Variants in UHRF2 observed in about 807,000 individuals in gnomAD.
UHRF2 encodes the protein ubiquitin like with PHD and ring finger domains 2.
In UHRF2, 23 loss-of-function variants were observed where a neutral mutation model predicts 96.8. The ratio of observed to expected loss-of-function variants is 0.24; its 90% CI spans 0.17 to 0.34. The LOEUF (loss-of-function observed/expected upper bound fraction) is 0.34. Ranked by LOEUF, UHRF2 falls within the 10% of genes least tolerant of loss-of-function variation. The pLI, the probability that UHRF2 is intolerant of heterozygous loss-of-function variation, is 1.00. For missense variants in UHRF2, 685 were observed against 981.5 expected (o/e 0.70, Z 4.04); for synonymous variants, 385 against 332.6 (o/e 1.16, Z -1.72).
intron 1 of UHRF2, among the ~76,000 whole-genome samples, chr9:6,417,106 C>T (rs1172396025): frequency 1.3e-5 from 2 of 152,048 alleles, no homozygotes; most frequent in African/African-American, 4.8e-5. Flanking sequence ...GTTGTTTTGC[C>T]CTTCACTGGC....
chr9:6,424,795 A>T (rs10975586), intron 2 of UHRF2, among the ~76,000 whole-genome samples: 4 of 106,012 alleles, frequency 3.8e-5, no homozygotes, highest in Middle Eastern at 5.3e-3. Flanking sequence ...TTTTTTTTTC[A>T]ATTACCGTGA....
intron 5 of UHRF2, among the ~76,000 whole-genome samples, chr9:6,475,984 G>C (rs1265904951): frequency 1.3e-5 from 2 of 151,916 alleles, no homozygotes; most frequent in African/African-American, 4.8e-5. Context: ...TATTCCTTCT[G>C]TCTAACTGTA....
At chr9:6,463,204 C>G (rs577973569) in intron 4 of UHRF2, among the ~76,000 whole-genome samples, 1 of 152,158 alleles carries the variant, frequency 6.6e-6, no homozygotes, top group African/African-American at 2.4e-5. Flanking sequence ...TCACTTGAAC[C>G]TGGGAGGCGC....
chr9:6,452,053 A>C (rs1259024821), intron 3 of UHRF2, among the ~76,000 whole-genome samples: 1 of 152,178 alleles, frequency 6.6e-6, no homozygotes, highest in African/African-American at 2.4e-5. Context: ...CACTAGATAG[A>C]AAATAGAAAC....
chr9:6,431,079 C>G (rs2130759089), intron 2 of UHRF2, among the ~76,000 whole-genome samples: 1 of 152,292 alleles, frequency 6.6e-6, no homozygotes, highest in Non-Finnish European at 1.5e-5. Context: ...ATTAATCATA[C>G]AGGCCTAAGT....
chr9:6,437,285 T>C (rs1820908299), intron 3 of UHRF2, among the ~76,000 whole-genome samples: 1 of 152,236 alleles, frequency 6.6e-6, no homozygotes, highest in African/African-American at 2.4e-5. Context: ...CAGTCTGGAG[T>C]GCAGTGGCAC....
intron 3 of UHRF2, among the ~76,000 whole-genome samples, chr9:6,455,176 A>C (rs562907528): frequency 2.0e-5 from 3 of 152,100 alleles, no homozygotes; most frequent in African/African-American, 7.2e-5. Flanking sequence ...TCTAGGGTGC[A>C]TGTGCACAAC....
intron 9 of UHRF2, among the ~76,000 whole-genome samples, chr9:6,487,539 G>A (rs1824378034): frequency 6.6e-6 from 1 of 152,162 alleles, no homozygotes; most frequent in Admixed American, 6.5e-5. Flanking sequence ...GCTAATTCTT[G>A]TATTTTTAGT....
chr9:6,483,919 C>G (rs1411834383), intron 8 of UHRF2, among the ~76,000 whole-genome samples: 1 of 152,148 alleles, frequency 6.6e-6, no homozygotes, highest in African/African-American at 2.4e-5. Flanking sequence ...GAACTCCCAA[C>G]CTCGGGTGAT....
intron 3 of UHRF2, among the ~76,000 whole-genome samples, chr9:6,455,748 G>T (rs979904053): frequency 1.3e-4 from 20 of 151,786 alleles, no homozygotes; most frequent in African/African-American, 4.8e-4. Flanking sequence ...ACTTTGGGAG[G>T]CCAAGATGGG....
chr9:6,432,105 C>A (rs1040677442), intron 2 of UHRF2, among the ~76,000 whole-genome samples: 1 of 152,148 alleles, frequency 6.6e-6, no homozygotes, highest in Admixed American at 6.6e-5. Context: ...TTATTTAATA[C>A]ATGAATTAAT....
intron 1 of UHRF2, among the ~76,000 whole-genome samples, 161 bp from the exon 2 acceptor site, chr9:6,420,751 G>A (rs910137078): frequency 1.3e-5 from 2 of 151,484 alleles, no homozygotes; most frequent in Non-Finnish European, 2.9e-5. Context: ...GGGGTCCAGA[G>A]AAGACACTGA....
rs376982666 is a variant in UHRF2 at position 6,493,846 on chromosome 9, A to C, written c.1518A>C (p.Thr506=). 2.5e-6 allele frequency: 4 copies of C among 1,613,886 alleles called. No homozygotes were observed. The highest frequency in any genetic ancestry group is 3.4e-6 in the Non-Finnish European group (4 of 1,179,948). ...ADEVDRGDEF[T]YTGSGGKNLA... is the part of the protein sequence containing the mutation. ...GACAGGACCGAGGTGATGAGTTCAC[A>C]TACACTGGAAGCGGTGGTAAAAATC... The change falls in exon 10 of 16, where the codon ACA becomes ACC. Residue 506 remains threonine, a synonymous_variant. Transcript: ENST00000276893.
At chr9:6,472,738 T>A (rs1259196559) in intron 4 of UHRF2, among the ~76,000 whole-genome samples, 1 of 152,158 alleles carries the variant, frequency 6.6e-6, no homozygotes, top group Non-Finnish European at 1.5e-5. Flanking sequence ...ATGCAAAAAA[T>A]TTAAAGTGTT....
intron 2 of UHRF2, among the ~76,000 whole-genome samples, chr9:6,423,634 ATT>A (rs34676165): frequency 6.9e-5 from 10 of 143,984 alleles, no homozygotes; most frequent in Non-Finnish European, 6.1e-5. Flanking sequence ...GTCATTAGTG[ATT>A]TTTTTTTTTT....
intron 4 of UHRF2, among the ~76,000 whole-genome samples, chr9:6,474,012 CTT>C (rs779704988): frequency 6.6e-5 from 10 of 151,884 alleles, no homozygotes; most frequent in Non-Finnish European, 1.0e-4. Flanking sequence ...AGATTAGAGA[CTT>C]TTCAAACACA....
At chr9:6,423,257 G>T (rs1364200440) in intron 2 of UHRF2, among the ~76,000 whole-genome samples, 2 of 152,160 alleles carry the variant, frequency 1.3e-5, no homozygotes, top group African/African-American at 4.8e-5. Context: ...TTAAACCTAT[G>T]AGGAGTAGAT....
chr9:6,415,814 C>T (rs988165755), intron 1 of UHRF2, among the ~76,000 whole-genome samples: 2 of 152,112 alleles, frequency 1.3e-5, no homozygotes, highest in African/African-American at 4.8e-5. Context: ...TAACAAGACC[C>T]CACGGGAGAT....
chr9:6,454,972 A>G (rs1822089367), intron 3 of UHRF2, among the ~76,000 whole-genome samples: 1 of 152,122 alleles, frequency 6.6e-6, no homozygotes, highest in African/African-American at 2.4e-5. Flanking sequence ...GGATTTCCAG[A>G]TGATGTTGAT....
Sources: allele counts gnomAD v4.1 joint callset (sites outside exome capture counted in the v4.1 genomes callset), GRCh38; gene constraint gnomAD v4.1.1; transcripts MANE v1.5; gene names NCBI Gene and HGNC (gene_info 2026-07-23, HGNC 2026-07-21).